The following GIT2 variants were observed in gnomAD, a reference collection of about 807,000 sequenced individuals.
GIT2 encodes ARF GTPase-activating protein GIT2.
Under a neutral mutation model 100.3 loss-of-function variants are expected in GIT2, and 32 were observed. The ratio of observed to expected loss-of-function variants is 0.32; its 90% CI spans 0.24 to 0.43. The LOEUF (loss-of-function observed/expected upper bound fraction) is 0.43. Among genes scored for constraint, GIT2 ranks in the 20% least tolerant of loss-of-function variants. The pLI is 1.00. For synonymous variants in GIT2, 353 were observed against 364.1 expected (o/e 0.97, Z 0.35); for missense variants, 737 against 975.1 (o/e 0.76, Z 3.25).
intron 12 of GIT2, among the ~76,000 whole-genome samples, chr12:109,958,704 T>C (rs1163926361): frequency 6.6e-6 from 1 of 152,248 alleles, no homozygotes; most frequent in East Asian, 1.9e-4. Context: ...ATGATTACTG[T>C]CTTTGGGGAA....
At chr12:109,967,863 G>A (rs781025734) in intron 7 of GIT2, among the ~76,000 whole-genome samples, 3 of 152,178 alleles carry the variant, frequency 2.0e-5, no homozygotes, top group African/African-American at 4.8e-5. Context: ...CAGTGGATGA[G>A]CTCTAGGTCT....
chr12:109,978,138 A>G (rs1482330280), intron 7 of GIT2, among the ~76,000 whole-genome samples: 1 of 133,836 alleles, frequency 7.5e-6, no homozygotes, highest in African/African-American at 2.8e-5. Flanking sequence ...GTTGGAGTGC[A>G]GTGGCTCAAT....
chr12:109,951,183 C>A lies in GIT2; in HGVS notation c.1376G>T (p.Arg459Ile). The change falls in exon 14 of 20, where the codon AGA becomes ATA. Residue 459 changes from arginine (R) to isoleucine (I), a missense_variant. Coordinates refer to ENST00000355312, the MANE Select transcript of GIT2 (RefSeq NM_057169.5). The part of the protein sequence containing the change: ...KVNNNLSDEL[R>I]IMQKKLQTLQ... ...ACATGTTACCTTTTTCTGCATAATT[C>A]TCAGCTCGTCACTCAAGTTGTTATT... The A allele has an allele frequency of 6.2e-7, 1 of 1,613,782 alleles. No homozygotes were observed.
Position 109,934,842 on chromosome 12 carries a change from A to G in GIT2, c.2004-757T>C, listed in dbSNP as rs529121350. Among the ~76,000 whole-genome samples, 158 of 152,318 alleles carry G rather than the reference A, an allele frequency of 1.0e-3. 2 individuals carry two copies. Among genetic ancestry groups the G allele is most frequent in the African/African-American group, 3.4e-3 (143 of 41,584 alleles). On this transcript the variant is annotated intron_variant, in intron 18 of 19. Transcript: ENST00000355312. This position sits in a 1 kb window ranked among gnomAD's most constrained non-coding sequence, Gnocchi z 4.5. ...TGTAATCCCAGCACTTTGGGAGGCCAAAGCGGGCGGATCACCTGAGGTCAG... is the reference window on the plus strand; with the variant it reads ...TGTAATCCCAGCACTTTGGGAGGCCGAAGCGGGCGGATCACCTGAGGTCAG...
upstream of GIT2, chr12:109,999,454 C>G (rs1299273299): frequency 8.5e-6 from 2 of 235,110 alleles, no homozygotes; most frequent in African/African-American, 2.3e-5. The surrounding 1 kb of genome is among the most constrained non-coding windows in gnomAD (Gnocchi z 4.3). Flanking sequence ...GAGCTGTCAG[C>G]GCGGGCGGGA....
chr12:109,940,985 G>A (rs528308959), intron 16 of GIT2, among the ~76,000 whole-genome samples: 1 of 151,460 alleles, frequency 6.6e-6, no homozygotes, highest in South Asian at 2.1e-4. Flanking sequence ...ACACCTGGTG[G>A]GTACAGGCAA....
intron 12 of GIT2, 106 bp from the exon 13 acceptor site, chr12:109,953,340 G>T: frequency 9.5e-7 from 1 of 1,047,950 alleles, no homozygotes; most frequent in Non-Finnish European, 1.4e-6. Flanking sequence ...GACTTAAAGG[G>T]CTGAATGCTG....
In GIT2 at chr12:109,933,225, G is replaced by T; in HGVS notation, c.2068-35C>A. 4 of 1,204,274 alleles carry T rather than the reference G, an allele frequency of 3.3e-6. No homozygotes were observed. The highest frequency in any genetic ancestry group is 4.8e-6 in the Non-Finnish European group (4 of 831,358). The allele number at this position is 1,204,274 out of a possible 1,614,324, so 74.6% of individuals were successfully genotyped here. ...AAAAGACAGCCGTTTACCCTGAACT[G>T]CAGGGCAGACATCCAAAAGCAGGGG... On this transcript the variant is annotated intron_variant, in intron 19 of 19. Transcript: ENST00000355312. The surrounding 1 kb of genome is among the most constrained non-coding windows in gnomAD (Gnocchi z 4.5).
In GIT2 at chr12:109,933,223, C is replaced by T; in HGVS notation, c.2068-33G>A. The T allele has an allele frequency of 8.1e-7, 1 of 1,234,912 alleles. No homozygotes were observed. Among genetic ancestry groups the T allele is most frequent in the East Asian group, 2.5e-5 (1 of 39,316 alleles). The allele number at this position is 1,234,912 out of a possible 1,614,324, so 76.5% of individuals were successfully genotyped here. On this transcript the variant is annotated intron_variant, in intron 19 of 19. Transcript: ENST00000355312. The surrounding 1 kb of genome is among the most constrained non-coding windows in gnomAD (Gnocchi z 4.5). The stretch of plus-strand genomic sequence containing the variant: ...GAAAAAGACAGCCGTTTACCCTGAA[C>T]TGCAGGGCAGACATCCAAAAGCAGG...
Position 109,938,488 on chromosome 12 carries a change from G to A in GIT2, c.1895C>T (p.Ala632Val). 1 of 1,613,570 alleles carries A rather than the reference G, an allele frequency of 6.2e-7. No homozygotes were observed. Among genetic ancestry groups the A allele is most frequent in the Non-Finnish European group, 8.5e-7 (1 of 1,179,524 alleles). Residue 632 changes from alanine to valine, a missense_variant, in exon 18 of 20, where the codon GCC becomes GTC. Physicochemically the swap from Ala to Val is moderately conservative, Grantham distance 64. This residue lies in a region of GIT2 where 451 missense variants were observed against 543.7 expected (regional missense o/e 0.83). Coordinates refer to ENST00000355312, the MANE Select transcript of GIT2 (RefSeq NM_057169.5). ...GGTGCTAGGGAGAGTGGGGCTTGGG[G>A]CCACATGGGGTTCTGCTGTGTCTGG... ...LVPDTAEPHV[A>V]PSPTLPSTED...
intron 15 of GIT2, among the ~76,000 whole-genome samples, chr12:109,946,325 G>A (rs1190322845): frequency 1.3e-5 from 2 of 152,038 alleles, no homozygotes; most frequent in South Asian, 2.1e-4. Context: ...TTTAATTCAC[G>A]AAACCATGTC....
intron 15 of GIT2, 84 bp from the exon 16 acceptor site, chr12:109,945,433 C>T: frequency 1.4e-6 from 1 of 729,492 alleles, no homozygotes; most frequent in Non-Finnish European, 2.5e-6. Flanking sequence ...TAAAAGAATC[C>T]TGGAACACCA....
chr12:109,957,699 G>A (rs1879882411), intron 12 of GIT2, among the ~76,000 whole-genome samples: 2 of 151,940 alleles, frequency 1.3e-5, no homozygotes, highest in Non-Finnish European at 2.9e-5. Flanking sequence ...GTAGAGACAG[G>A]ATTTCACCGT....
intron 7 of GIT2, among the ~76,000 whole-genome samples, chr12:109,975,459 T>C (rs1247023799): frequency 1.3e-5 from 2 of 152,148 alleles, no homozygotes; most frequent in Non-Finnish European, 2.9e-5. Context: ...TTAGGAGAAT[T>C]GCTTCAGGCT....
intron 4 of GIT2, among the ~76,000 whole-genome samples, chr12:109,987,951 A>G (rs1887710007): frequency 6.6e-6 from 1 of 152,192 alleles, no homozygotes. Context: ...TCTGTGTACT[A>G]TAGCTTTGAG....
chr12:109,953,377 T>C, intron 12 of GIT2, 143 bp from the exon 13 acceptor site: 4 of 768,158 alleles, frequency 5.2e-6, no homozygotes, highest in Non-Finnish European at 8.6e-6. Context: ...CCCAGCATTC[T>C]AGGAGGCCAA....
chr12:109,940,734 G>C (rs36005925), intron 16 of GIT2, among the ~76,000 whole-genome samples: 26,787 of 151,914 alleles, frequency 0.18, 3,124 homozygotes, highest in Admixed American at 0.29. Flanking sequence ...ACAAAAATTA[G>C]CTGGGTGTGG....
intron 11 of GIT2, among the ~76,000 whole-genome samples, chr12:109,960,474 G>A (rs1391219605): frequency 6.6e-6 from 1 of 152,118 alleles, no homozygotes; most frequent in African/African-American, 2.4e-5. Context: ...TAGCTACTTG[G>A]GGAGGCTGAG....
intron 9 of GIT2, among the ~76,000 whole-genome samples, chr12:109,964,620 GAC>G (rs58007337): frequency 0.077 from 9,129 of 118,634 alleles, 296 homozygotes; most frequent in South Asian, 0.094. Flanking sequence ...TTAATCTAAA[GAC>G]ACACACACAC....
Sources: gnomAD v4.1 joint callset for allele counts (sites outside exome capture counted in the v4.1 genomes callset) on GRCh38, gnomAD v4.1.1 for gene constraint, gnomAD v4.1.1 regional missense constraint, Gnocchi (gnomAD v3.1) non-coding constraint, MANE v1.5 for transcripts, NCBI Gene and HGNC (gene_info 2026-07-23, HGNC 2026-07-21) for gene names.